MAGEB6: variants seen among roughly 807,000 people sequenced by gnomAD.
MAGEB6 encodes the protein melanoma-associated antigen B6.
For missense variants in MAGEB6, 327 were observed against 329.7 expected (o/e 0.99, Z 0.06); for synonymous variants, 128 against 136.2 (o/e 0.94, Z 0.42).
chrX:26,193,028 T>C (rs774652524), intron 1 of MAGEB6, among the ~76,000 whole-genome samples: 2 of 110,484 alleles, frequency 1.8e-5, no homozygotes, highest in Non-Finnish European at 3.8e-5. Context: ...GCATTCTCAC[T>C]ATAACTGGAA....
chrX:26,194,021 T>A lies in MAGEB6; in HGVS notation c.175T>A (p.Ser59Thr). 5 of 1,211,852 alleles carry A rather than the reference T, an allele frequency of 4.1e-6. No individual in the cohort carries two copies. The highest frequency in any genetic ancestry group is 5.6e-6 in the Non-Finnish European group (5 of 895,465). Residue 59 changes from serine to threonine, a missense_variant, in exon 2 of 2, where the codon TCC becomes ACC. Physicochemically the swap from Ser to Thr is moderately conservative, Grantham distance 58. Coordinates refer to ENST00000379034, the MANE Select transcript of MAGEB6 (RefSeq NM_173523.2). ...LGDCRRSSDA[S>T]IPQESQGVSP... ...TGATTGTCGTAGGTCTTCTGATGCC[T>A]CCATTCCTCAGGAGTCTCAGGGAGT...
chrX:26,193,659 A>G lies in MAGEB6; in HGVS notation c.-61-127A>G, dbSNP rs1929142052. 4 of 381,750 alleles carry G rather than the reference A, an allele frequency of 1.0e-5. No individual in the cohort carries two copies. In the Admixed American group the frequency reaches 1.5e-4, roughly 14 times the overall value. The allele number at this position is 381,750 out of a possible 1,213,427, so 31.5% of individuals were successfully genotyped here. ...GTTTGAAGGAGACAAACTGACCAGG[A>G]GAAAAGGAGTCCTGTGGGTTCCTAG... On this transcript the variant is annotated intron_variant, in intron 1 of 1. Transcript: ENST00000379034.
chrX:26,193,204 T>C (rs1377396747), intron 1 of MAGEB6, among the ~76,000 whole-genome samples: 7 of 110,529 alleles, frequency 6.3e-5, no homozygotes, highest in Non-Finnish European at 1.1e-4. Flanking sequence ...ACAATTTTTT[T>C]TTTATTATAC....
rs759303415 is a variant in MAGEB6, at chrX:26,193,876, T to C, written c.30T>C (p.Arg10=). The change falls in exon 2 of 2, where the codon CGT becomes CGC. Residue 10 remains arginine (R), a synonymous_variant. Coordinates refer to ENST00000379034, the MANE Select transcript of MAGEB6 (RefSeq NM_173523.2). ...CTCGGGGTCACAAGAGTAAGCTCCG[T>C]ACCTGTGAGAAACGCCAAGAGACCA... is the stretch of plus-strand genomic sequence containing the variant. MPRGHKSKL[R]TCEKRQETNG... The C allele has an allele frequency of 8.5e-7, 1 of 1,180,890 alleles. No homozygotes were observed. The highest frequency in any genetic ancestry group is 2.3e-5 in the Admixed American group (1 of 42,675).
Position 26,194,511 on chromosome X carries a change from T to G in MAGEB6, c.665T>G (p.Leu222Arg). 2 of 1,211,905 alleles carry G rather than the reference T, an allele frequency of 1.7e-6. No homozygotes were observed. Among genetic ancestry groups the G allele is most frequent in the Non-Finnish European group, 2.2e-6 (2 of 895,540 alleles). The change falls in exon 2 of 2, where the codon CTG becomes CGG. Residue 222 changes from leucine (L) to arginine (R), a missense_variant. By Grantham distance (102) the Leu-to-Arg change is moderately radical (BLOSUM62 -2). Coordinates refer to ENST00000379034, the MANE Select transcript of MAGEB6 (RefSeq NM_173523.2). ...GAGTCCATTTTGAAGGCAGACATGC[T>G]GAAGTGTGTCCGCAGAGAGTACAAG... The part of the protein sequence containing the change: ...KKESILKADM[L>R]KCVRREYKPY...
chrX:26,194,028 C>T lies in MAGEB6; in HGVS notation c.182C>T (p.Pro61Leu), dbSNP rs1569256324. The T allele has an allele frequency of 1.7e-6, 2 of 1,211,501 alleles. No homozygotes were observed. The highest frequency in any genetic ancestry group is 5.9e-5 in the East Asian group (2 of 33,809). Residue 61 changes from proline (P) to leucine (L), a missense_variant, in exon 2 of 2, where the codon CCT (proline) becomes CTT (leucine). Transcript: ENST00000379034. ...CGTAGGTCTTCTGATGCCTCCATTC[C>T]TCAGGAGTCTCAGGGAGTGTCACCC... ...DCRRSSDASI[P>L]QESQGVSPTG... is the part of the protein sequence containing the mutation.
Position 26,194,229 on chromosome X carries a change from C to T in MAGEB6, c.383C>T (p.Ala128Val). Residue 128 changes from alanine (A) to valine (V), a missense_variant, in exon 2 of 2, where the codon GCC (alanine) becomes GTC (valine). Physicochemically the swap from Ala to Val is moderately conservative, Grantham distance 64 (BLOSUM62 0). Coordinates refer to ENST00000379034, the MANE Select transcript of MAGEB6 (RefSeq NM_173523.2). ...TCAGGCTCAAAATATGATGTGGCTG[C>T]CAACGGCCAAGATGAGAAAAGTCCA... ...GVSGSKYDVA[A>V]NGQDEKSPST... The T allele has an allele frequency of 8.3e-7, 1 of 1,200,114 alleles. No individual in the cohort carries two copies.
rs201563340 is a variant in MAGEB6, at chrX:26,193,948, G to A, written c.102G>A (p.Lys34=). ...CGGGTCCCCAGGCCACTGCAGAGAA[G>A]CAGGAAGAGTCCCACTCTTCCTCAT... ...GLTGPQATAE[K]QEESHSSSSS... is the part of the protein sequence containing the mutation. Residue 34 remains lysine (K), a synonymous_variant, in exon 2 of 2, where the codon AAG becomes AAA. Coordinates refer to ENST00000379034, the MANE Select transcript of MAGEB6 (RefSeq NM_173523.2). The A allele has an allele frequency of 2.1e-4, 248 of 1,208,627 alleles. No individual in the cohort carries two copies. The highest frequency in any genetic ancestry group is 2.6e-4 in the Non-Finnish European group (233 of 894,455).
At position 26,194,566 on chromosome X, in the gene MAGEB6, C is replaced by T. The variant is rs1261846187; in HGVS notation, c.720C>T (p.Thr240=). Residue 240 remains threonine, a synonymous_variant, in exon 2 of 2, where the codon ACC becomes ACT. Transcript: ENST00000379034. The part of the protein sequence containing the change: ...KPYFPQILNR[T]SQHLVVAFGV... ...ACTTCCCTCAGATCCTCAACAGAAC[C>T]TCCCAACATTTGGTGGTGGCCTTTG... 4.1e-6 allele frequency: 5 copies of T among 1,209,821 alleles called. No individual in the cohort carries two copies. The highest frequency in any genetic ancestry group is 3.0e-5 in the East Asian group (1 of 33,755).
Position 26,194,312 on chromosome X carries a change from T to C in MAGEB6, c.466T>C (p.Ser156Pro). 8.3e-7 allele frequency: 1 copy of C among 1,210,956 alleles called. No homozygotes were observed. Among genetic ancestry groups the C allele is most frequent in the Non-Finnish European group, 1.1e-6 (1 of 895,527 alleles). The change falls in exon 2 of 2, where the codon TCG becomes CCG. Residue 156 changes from serine to proline, a missense_variant. Transcript: ENST00000379034. ...GTCTCAGGGAGCTTCACCCACTGGC[T>C]CGCCTGATGCAGGTGTTTCAGGCTC... ...QESQGASPTG[S>P]PDAGVSGSKY...
At position 26,195,251 on chromosome X, in the gene MAGEB6, T is replaced by TCTTG; in HGVS notation, c.*181_*182insCTTG. The TCTTG allele has an allele frequency of 1.1e-5, 5 of 461,697 alleles. No individual in the cohort carries two copies. Among genetic ancestry groups the TCTTG allele is most frequent in the Non-Finnish European group, 1.8e-5 (5 of 278,986 alleles). 38.0% of individuals were successfully genotyped at this position (461,697 alleles called of 1,213,427 possible). A position where few individuals can be genotyped will look rare whatever the true frequency, so the allele number is the denominator to read the frequency against. On this transcript the variant is annotated 3_prime_UTR_variant, in exon 2 of 2. Coordinates refer to ENST00000379034, the MANE Select transcript of MAGEB6 (RefSeq NM_173523.2). ...GAACAAGATATGTATCTTTCTTTTG[T>TCTTG]TACACATGAGTAACTTGCAGATTTA...
rs1416151086 is a variant in MAGEB6, at chrX:26,193,960, C to T, written c.114C>T (p.Ser38=). 1 of 1,210,673 alleles carries T rather than the reference C, an allele frequency of 8.3e-7. No homozygotes were observed. Among genetic ancestry groups the T allele is most frequent in the Non-Finnish European group, 1.1e-6 (1 of 894,659 alleles). Residue 38 remains serine (S), a synonymous_variant, in exon 2 of 2, where the codon TCC becomes TCT. Transcript: ENST00000379034. The part of the protein sequence containing the change: ...PQATAEKQEE[S]HSSSSSSRAC... ...CCACTGCAGAGAAGCAGGAAGAGTC[C>T]CACTCTTCCTCATCCTCTTCTCGCG...
At position 26,194,739 on chromosome X, in the gene MAGEB6, A is replaced by G. The variant is rs1482358314; in HGVS notation, c.893A>G (p.Asn298Ser). The G allele has an allele frequency of 1.6e-5, 19 of 1,209,591 alleles. No homozygotes were observed. In the Admixed American group the frequency reaches 3.5e-4, roughly 22 times the overall value. The part of the protein sequence containing the change: ...LMSLLVVIFM[N>S]GNCATEEEVW... ...TCGCTCCTGGTTGTGATCTTCATGA[A>G]CGGCAACTGTGCCACTGAAGAGGAG... Residue 298 changes from asparagine (N) to serine (S), a missense_variant, in exon 2 of 2, where the codon AAC becomes AGC. Transcript: ENST00000379034.
chrX:26,193,279 T>C (rs1272365345), intron 1 of MAGEB6, among the ~76,000 whole-genome samples: 5 of 107,542 alleles, frequency 4.6e-5, no homozygotes, highest in African/African-American at 1.7e-4. Context: ...TGTGCCATGC[T>C]GGTGTGCTGC....
In MAGEB6 at chrX:26,195,093, T is replaced by G; in HGVS notation, c.*23T>G. 8.4e-7 allele frequency: 1 copy of G among 1,194,555 alleles called. No homozygotes were observed. Among genetic ancestry groups the G allele is most frequent in the Non-Finnish European group, 1.1e-6 (1 of 884,864 alleles). ...TAAGGCAGGGCTGGCACTATTTCCT[T>G]GGCCAGGGTACCTTATGGGGCCATA... On this transcript the variant is annotated 3_prime_UTR_variant, in exon 2 of 2. Transcript: ENST00000379034.
Position 26,194,166 on chromosome X carries a change from A to G in MAGEB6, c.320A>G (p.Gln107Arg), listed in dbSNP as rs776031015. ...GATGCCTCCGTTCCTCAGGAGTCTCAGGGAGCTTCACCCACTGGCTCTCCT... is the reference window on the plus strand; with the variant it reads ...GATGCCTCCGTTCCTCAGGAGTCTCGGGGAGCTTCACCCACTGGCTCTCCT... ...SRDASVPQES[Q>R]GASPTGSPDA... Residue 107 changes from glutamine (Q) to arginine (R), a missense_variant, in exon 2 of 2, where the codon CAG becomes CGG. Physicochemically the swap from Gln to Arg is conservative, Grantham distance 43. Coordinates refer to ENST00000379034, the MANE Select transcript of MAGEB6 (RefSeq NM_173523.2). The G allele has an allele frequency of 6.7e-5, 78 of 1,169,129 alleles. 5 individuals carry two copies. The highest frequency in any genetic ancestry group is 1.4e-4 in the African/African-American group (8 of 56,326).
Position 26,194,121 on chromosome X carries a change from AAAGT to A in MAGEB6, c.276_279del (p.Lys92AsnfsTer86). The stretch of plus-strand genomic sequence containing the variant: ...GTGGCTGCCAACGGCCAAGATGAGA[AAAGT>A]CCAAGCACCTCCCGTGATGCCTCCG... On this transcript the variant is annotated frameshift_variant, in exon 2 of 2. Transcript: ENST00000379034. LOFTEE classifies it low-confidence loss of function (END_TRUNC). 8.3e-7 allele frequency: 1 copy of A among 1,199,388 alleles called. No individual in the cohort carries two copies. The highest frequency in any genetic ancestry group is 1.8e-5 in the South Asian group (1 of 55,820).
Position 26,194,671 on chromosome X carries a change from T to A in MAGEB6, c.825T>A (p.Ile275=), listed in dbSNP as rs758540322. 5.8e-6 allele frequency: 7 copies of A among 1,210,943 alleles called. No individual in the cohort carries two copies. The highest frequency in any genetic ancestry group is 7.8e-6 in the Non-Finnish European group (7 of 895,339). The stretch of plus-strand genomic sequence containing the variant: ...AGCTAGGCCTCCCCAGTGAAGGAAT[T>A]CTGAGTGGTGATAATGCGCTGCCGA... ...VSKLGLPSEG[I]LSGDNALPKS... Residue 275 remains isoleucine, a synonymous_variant, in exon 2 of 2, where the codon ATT becomes ATA. Coordinates refer to ENST00000379034, the MANE Select transcript of MAGEB6 (RefSeq NM_173523.2).
In MAGEB6 at chrX:26,195,418, A is replaced by C; in HGVS notation, c.*348A>C. 1 of 185,146 alleles carries C rather than the reference A, an allele frequency of 5.4e-6. No homozygotes were observed. The highest frequency in any genetic ancestry group is 1.1e-5 in the Non-Finnish European group (1 of 91,956). 15.3% of individuals were successfully genotyped at this position (185,146 alleles called of 1,213,427 possible). A position where few individuals can be genotyped will look rare whatever the true frequency, so the allele number is the denominator to read the frequency against. ...AAAGTTACGGTTTGGGAATTAATAAAACAAAGTCATACAACACATTTTCTT... is the reference window on the plus strand; with the variant it reads ...AAAGTTACGGTTTGGGAATTAATAACACAAAGTCATACAACACATTTTCTT... On this transcript the variant is annotated 3_prime_UTR_variant, in exon 2 of 2. Coordinates refer to ENST00000379034, the MANE Select transcript of MAGEB6 (RefSeq NM_173523.2).
Sources: allele counts gnomAD v4.1 joint callset (sites outside exome capture counted in the v4.1 genomes callset), GRCh38; gene constraint gnomAD v4.1.1; transcripts MANE v1.5; gene names NCBI Gene and HGNC (gene_info 2026-07-23, HGNC 2026-07-21).